Variants in DPP6 observed in about 807,000 individuals in gnomAD.
DPP6 encodes A-type potassium channel modulatory protein DPP6.
DPP6 carries 69 observed loss-of-function variants against 122.6 expected under a neutral mutation model. The observed-to-expected ratio is 0.56, with a 90% confidence interval of 0.46 to 0.69. The LOEUF is 0.69. Among genes scored for constraint, DPP6 ranks in the 30% least tolerant of loss-of-function variants. The pLI is 0.00. For missense variants in DPP6, 928 were observed against 1,116.9 expected, an observed-to-expected ratio of 0.83 and a Z score of 2.41; for synonymous variants, 418 against 433.1, an observed-to-expected ratio of 0.97 and a Z score of 0.43.
the DPP6 span, among the ~76,000 whole-genome samples, chr7:153,847,737 A>G: frequency 4.8e-3 from 726 of 152,322 alleles, 7 homozygotes; most frequent in African/African-American, 0.017. Flanking sequence ...GATGGGCAGC[A>G]ATTGAAATCT....
intron 1 of DPP6, among the ~76,000 whole-genome samples, chr7:154,164,925 T>C (rs572388434): frequency 3.2e-4 from 49 of 152,368 alleles, no homozygotes; most frequent in African/African-American, 1.1e-3. Flanking sequence ...TGCTATGAAC[T>C]GTTATGCTCA....
At chr7:154,351,951 A>T (rs923257086) in intron 1 of DPP6, among the ~76,000 whole-genome samples, 3 of 152,036 alleles carry the variant, frequency 2.0e-5, no homozygotes, top group Non-Finnish European at 1.5e-5. Flanking sequence ...AGTGAGGATG[A>T]TGACATCCCA....
intron 4 of DPP6, among the ~76,000 whole-genome samples, chr7:154,542,602 G>A (rs1828820043): frequency 6.6e-6 from 1 of 152,102 alleles, no homozygotes; most frequent in African/African-American, 2.4e-5. Context: ...ACCACCATGG[G>A]TAAAGAAAAG....
the DPP6 span, among the ~76,000 whole-genome samples, chr7:153,822,706 G>C: frequency 9.2e-4 from 140 of 152,310 alleles, no homozygotes; most frequent in South Asian, 1.5e-3. Context: ...ACTACCGGCT[G>C]TGGTGGACAA....
intron 1 of DPP6, among the ~76,000 whole-genome samples, chr7:154,366,981 C>T (rs1812243640): frequency 6.6e-6 from 1 of 152,178 alleles, no homozygotes; most frequent in Admixed American, 6.5e-5. Context: ...CTTTGAGATG[C>T]TCTTCGATGT....
the DPP6 span, among the ~76,000 whole-genome samples, chr7:153,789,301 A>G: frequency 6.6e-6 from 1 of 152,328 alleles, no homozygotes; most frequent in East Asian, 1.9e-4. Context: ...TGTCCCCTTT[A>G]TTATCCTTAA....
At chr7:153,868,003 A>G in the DPP6 span, among the ~76,000 whole-genome samples, 1 of 152,194 alleles carries the variant, frequency 6.6e-6, no homozygotes, top group Non-Finnish European at 1.5e-5. Context: ...GATGAAGCCG[A>G]CTTGATCATG....
chr7:154,102,952 T>TC (rs1293746598), intron 1 of DPP6, among the ~76,000 whole-genome samples: 1 of 152,068 alleles, frequency 6.6e-6, no homozygotes, highest in African/African-American at 2.4e-5. Context: ...GAACAGGGTG[T>TC]CCTCTGAGGG....
At position 154,863,376 on chromosome 7, in the gene DPP6, T is replaced by C. The variant is rs7787107; in HGVS notation, c.1715-4619T>C. Among the ~76,000 whole-genome samples the C allele has an allele frequency of 0.018, 2,631 of 150,246 alleles. 89 individuals are homozygous for C. The highest frequency in any genetic ancestry group is 0.061 in the African/African-American group (2,473 of 40,704). On this transcript the variant is annotated intron_variant, in intron 17 of 25. Coordinates refer to ENST00000377770, the MANE Select transcript of DPP6 (RefSeq NM_130797.4). The surrounding 1 kb of genome is among the most constrained non-coding windows in gnomAD (Gnocchi z 4.1). ...TTTTTTTTTGAGATGGGGGTCTTGC[T>C]CTGTCACCTAGGCTCAAGGGGAGTG...
chr7:154,478,449 C>T (rs1822946786), intron 3 of DPP6, among the ~76,000 whole-genome samples: 1 of 152,186 alleles, frequency 6.6e-6, no homozygotes, highest in Non-Finnish European at 1.5e-5. Flanking sequence ...CTCTTCCTCA[C>T]ATCACCGTCA....
chr7:154,652,957 C>T (rs1472195744), intron 6 of DPP6, among the ~76,000 whole-genome samples: 4 of 152,148 alleles, frequency 2.6e-5, no homozygotes, highest in African/African-American at 7.2e-5. Flanking sequence ...TGAACTGGCT[C>T]CGTTCACGTC....
At chr7:154,111,109 G>A (rs1478288689) in intron 1 of DPP6, among the ~76,000 whole-genome samples, 2 of 152,244 alleles carry the variant, frequency 1.3e-5, no homozygotes, top group South Asian at 2.1e-4. Flanking sequence ...AGAAAGAAGG[G>A]CTTTGACAAG....
intron 2 of DPP6, among the ~76,000 whole-genome samples, chr7:154,472,507 G>A (rs1396879872): frequency 6.6e-6 from 1 of 152,110 alleles, no homozygotes; most frequent in East Asian, 1.9e-4. Context: ...ATATTAGCAG[G>A]ACAAGCCCTG....
At position 154,431,222 on chromosome 7, in the gene DPP6, C is replaced by T. The variant is rs1305947262; in HGVS notation, c.244-14992C>T. 3.9e-5 allele frequency among the ~76,000 whole-genome samples: 6 copies of T among 152,080 alleles called. No homozygotes were observed. The South Asian group carries it at 6.2e-4, about 16-fold the overall frequency. ...GGCCACCAGGGGGAAGCGCCAAGGC[C>T]GTCTTTCAAGATGCAGTTACATCAT... On this transcript the variant is annotated intron_variant, in intron 1 of 25. Transcript: ENST00000377770.
intron 1 of DPP6, among the ~76,000 whole-genome samples, chr7:153,910,064 T>C (rs1447645664): frequency 6.6e-6 from 1 of 152,176 alleles, no homozygotes; most frequent in Non-Finnish European, 1.5e-5. Flanking sequence ...TATTCATTTT[T>C]CTTTCATGTG....
intron 1 of DPP6, among the ~76,000 whole-genome samples, chr7:154,313,686 T>TGTGTGTGC (rs1491447277): frequency 3.8e-4 from 3 of 7,818 alleles, no homozygotes; most frequent in Non-Finnish European, 6.1e-4. Context: ...TAAGATATGG[T>TGTGTGTGC]ATATATATAT....
the DPP6 span, among the ~76,000 whole-genome samples, chr7:153,762,498 C>T: frequency 2.4e-4 from 37 of 152,172 alleles, no homozygotes; most frequent in East Asian, 5.0e-3. Flanking sequence ...CCGCCTGGCG[C>T]GGTGGCTCAC....
At chr7:154,814,791 A>AT (rs959937808) in intron 16 of DPP6, among the ~76,000 whole-genome samples, 3 of 152,100 alleles carry the variant, frequency 2.0e-5, no homozygotes, top group African/African-American at 7.2e-5. Context: ...AGTCCTTGGC[A>AT]TTTTTTGACT....
At chr7:154,709,461 C>T (rs1841032805) in intron 7 of DPP6, among the ~76,000 whole-genome samples, 1 of 152,106 alleles carries the variant, frequency 6.6e-6, no homozygotes, top group Admixed American at 6.5e-5. Flanking sequence ...CTCAAGTAAT[C>T]CTCCCACCTT....
Sources: allele counts gnomAD v4.1 joint callset (sites outside exome capture counted in the v4.1 genomes callset), GRCh38; gene constraint gnomAD v4.1.1; non-coding constraint Gnocchi (gnomAD v3.1); transcripts MANE v1.5; gene names NCBI Gene and HGNC (gene_info 2026-07-23, HGNC 2026-07-21).